The following MGRN1 variants were observed in gnomAD, a reference collection of about 807,000 sequenced individuals.
The protein encoded by MGRN1 is E3 ubiquitin-protein ligase MGRN1.
In MGRN1, 29 loss-of-function variants were observed where a neutral mutation model predicts 69.2. The ratio of observed to expected loss-of-function variants is 0.42; its 90% CI spans 0.31 to 0.57. The LOEUF is 0.57. Among genes scored for constraint, MGRN1 ranks in the 20% least tolerant of loss-of-function variants. The pLI, the probability that MGRN1 is intolerant of heterozygous loss-of-function variation, is 0.15. For missense variants in MGRN1, 998 were observed against 796.2 expected (o/e 1.25, Z -3.05); for synonymous variants, 470 against 344.2 (o/e 1.37, Z -4.04).
intron 1 of MGRN1, among the ~76,000 whole-genome samples, chr16:4,635,422 A>C (rs1319038667): frequency 6.6e-6 from 1 of 152,100 alleles, no homozygotes; most frequent in Non-Finnish European, 1.5e-5. Context: ...GTCTCTAAAT[A>C]AATTAATAAG....
chr16:4,625,267 GCTTGGGTGAC>G (rs1194412051), intron 1 of MGRN1, among the ~76,000 whole-genome samples: 1 of 152,206 alleles, frequency 6.6e-6, no homozygotes, highest in African/African-American at 2.4e-5. Flanking sequence ...CTACTGCCCG[GCTTGGGTGAC>G]CTTGGGGCAG....
At chr16:4,677,670 C>T (rs1367377668) in intron 11 of MGRN1, 98 bp downstream of exon 11, 22 of 1,169,794 alleles carry the variant, frequency 1.9e-5, no homozygotes, top group Non-Finnish European at 2.7e-5. Flanking sequence ...GCCCCGTGTT[C>T]TCTTCTGTCC....
intron 5 of MGRN1, among the ~76,000 whole-genome samples, chr16:4,658,093 G>T (rs1296330683): frequency 6.6e-6 from 1 of 151,972 alleles, no homozygotes; most frequent in Admixed American, 6.6e-5. Flanking sequence ...GGCTTGAGTG[G>T]CTGCTTTGCT....
At chr16:4,646,792 G>A (rs1011453551) in intron 1 of MGRN1, among the ~76,000 whole-genome samples, 2 of 152,220 alleles carry the variant, frequency 1.3e-5, no homozygotes, top group African/African-American at 4.8e-5. Context: ...TGCCTACAGC[G>A]GGGGCTTCTT....
At position 4,689,725 on chromosome 16, in the gene MGRN1, A is replaced by C. The variant is rs913092523; in HGVS notation, c.*817A>C. On this transcript the variant is annotated 3_prime_UTR_variant, in exon 17 of 17. Coordinates refer to ENST00000262370, the MANE Select transcript of MGRN1 (RefSeq NM_015246.4). ...CCAGGGAGGACCTGGTGGCCTCCTC[A>C]TTCTCTTTTGCCATTGGAATGTCCC... is the stretch of plus-strand genomic sequence containing the variant. The C allele has an allele frequency of 6.7e-6, 1 of 149,852 alleles. No homozygotes were observed. Among genetic ancestry groups the C allele is most frequent in the African/African-American group, 2.5e-5 (1 of 40,650 alleles). The allele number at this position is 149,852 out of a possible 1,614,324, so 9.3% of individuals were successfully genotyped here.
chr16:4,642,149 A>AG (rs2078174010), intron 1 of MGRN1, among the ~76,000 whole-genome samples: 1 of 145,004 alleles, frequency 6.9e-6, no homozygotes. Flanking sequence ...TTTTTTTTAA[A>AG]AAAGACCGTC....
intron 4 of MGRN1, among the ~76,000 whole-genome samples, chr16:4,655,952 C>A (rs961001128): frequency 6.6e-6 from 1 of 152,250 alleles, no homozygotes; most frequent in African/African-American, 2.4e-5. Flanking sequence ...CCCGGGCCTC[C>A]CCTGTAGTGC....
At chr16:4,650,945 G>GA (rs1358080684) in intron 2 of MGRN1, 7 of 151,654 alleles carry the variant, frequency 4.6e-5, no homozygotes, top group East Asian at 3.9e-4. Context: ...CGTCTCTACT[G>GA]AAAAAAAAGA....
chr16:4,677,175 T>G, intron 10 of MGRN1: 2 of 295,210 alleles, frequency 6.8e-6, no homozygotes, highest in East Asian at 5.6e-5. Flanking sequence ...CCCGGGGCCA[T>G]TTCATTAATA....
At chr16:4,678,518 CAGACAGATGTGGAGAGACGGAG>C (rs934341893) in intron 11 of MGRN1, among the ~76,000 whole-genome samples, 9 of 147,320 alleles carry the variant, frequency 6.1e-5, no homozygotes, top group African/African-American at 1.6e-4. Context: ...TAGGAAGAGA[CAGACAGATGTGGAGAGACGGAG>C]AGACAGATGT....
intron 16 of MGRN1, among the ~76,000 whole-genome samples, chr16:4,685,312 G>A (rs1041848489): frequency 1.3e-5 from 2 of 152,214 alleles, no homozygotes; most frequent in Non-Finnish European, 2.9e-5. Flanking sequence ...CAGAGGCTGC[G>A]CCTCCCCTCT....
At chr16:4,686,534 T>C (rs2079323535) in intron 16 of MGRN1, 6 of 1,371,808 alleles carry the variant, frequency 4.4e-6, no homozygotes, top group Non-Finnish European at 5.6e-6. Context: ...GGTCTCTCCA[T>C]CTGGACTAGG....
chr16:4,661,016 C>G (rs973694944), intron 5 of MGRN1, among the ~76,000 whole-genome samples: 1 of 152,212 alleles, frequency 6.6e-6, no homozygotes, highest in Non-Finnish European at 1.5e-5. Context: ...GGGGCTCACT[C>G]TGTCTCCCAG....
At chr16:4,688,251 G>A (rs1012259487) in intron 16 of MGRN1, 37 of 985,364 alleles carry the variant, frequency 3.8e-5, no homozygotes, top group Non-Finnish European at 4.3e-5. Flanking sequence ...AGACCCATCT[G>A]GGGACAGCGC....
At chr16:4,656,826 G>C (rs901120839) in intron 4 of MGRN1, among the ~76,000 whole-genome samples, 7 of 152,086 alleles carry the variant, frequency 4.6e-5, no homozygotes, top group African/African-American at 1.7e-4. Flanking sequence ...GTTGCAGTGA[G>C]CTGAGATCAC....
chr16:4,676,174 G>A (rs1485857171), intron 10 of MGRN1, among the ~76,000 whole-genome samples: 1 of 152,262 alleles, frequency 6.6e-6, no homozygotes, highest in Non-Finnish European at 1.5e-5. Context: ...GCTGGGGCCT[G>A]GAGGGAGAGG....
intron 9 of MGRN1, among the ~76,000 whole-genome samples, chr16:4,673,073 C>G (rs886175105): frequency 1.3e-5 from 2 of 152,004 alleles, no homozygotes; most frequent in African/African-American, 4.8e-5. Flanking sequence ...CTCCTGACCT[C>G]GTGATCTGCC....
At chr16:4,628,429 C>G (rs892800924) in intron 1 of MGRN1, among the ~76,000 whole-genome samples, 2 of 148,010 alleles carry the variant, frequency 1.4e-5, no homozygotes, top group Non-Finnish European at 3.0e-5. Context: ...GCAACAACAA[C>G]AAAAAAAAGA....
chr16:4,664,484 A>C, intron 5 of MGRN1: 1 of 590,530 alleles, frequency 1.7e-6, no homozygotes, highest in Non-Finnish European at 3.0e-6. Flanking sequence ...AACGCTGTTG[A>C]AACGTAGTTA....
Sources: allele counts gnomAD v4.1 joint callset (sites outside exome capture counted in the v4.1 genomes callset), GRCh38; gene constraint gnomAD v4.1.1; transcripts MANE v1.5; gene names NCBI Gene and HGNC (gene_info 2026-07-23, HGNC 2026-07-21).